Variants in DNA2 observed in about 807,000 individuals in gnomAD.
DNA2 encodes DNA replication helicase/nuclease 2.
Under a neutral mutation model 119.1 loss-of-function variants are expected in DNA2, and 101 were observed. That is an observed-to-expected ratio of 0.85 (90% CI 0.72 to 1.00). The LOEUF is 1.00. DNA2 is among the 50% of genes least tolerant of loss of function. The pLI, the probability that DNA2 is intolerant of heterozygous loss-of-function variation, is 0.00. For synonymous variants in DNA2, 366 were observed against 424.4 expected, an observed-to-expected ratio of 0.86 and a Z score of 1.69; for missense variants, 1,121 against 1,255.5, an observed-to-expected ratio of 0.89 and a Z score of 1.62.
At chr10:68,471,393 A>C (rs1309669238) in intron 1 of DNA2, among the ~76,000 whole-genome samples, 3 of 152,204 alleles carry the variant, frequency 2.0e-5, no homozygotes, top group Admixed American at 6.5e-5. Flanking sequence ...ACCGTGGTTA[A>C]CTTCCTCTGA....
At chr10:68,451,309 T>G (rs1438664531) in intron 5 of DNA2, among the ~76,000 whole-genome samples, 3 of 152,100 alleles carry the variant, frequency 2.0e-5, no homozygotes, top group Non-Finnish European at 2.9e-5. Flanking sequence ...ACTCAATTTT[T>G]TTTTTATAAA....
intron 5 of DNA2, among the ~76,000 whole-genome samples, chr10:68,458,672 A>G (rs1194127035): frequency 6.6e-6 from 1 of 151,736 alleles, no homozygotes; most frequent in African/African-American, 2.4e-5. Flanking sequence ...AACATGGTGA[A>G]ACCCTGTCTC....
At chr10:68,422,093 G>A in intron 17 of DNA2, 132 bp downstream of exon 17, 1 of 698,962 alleles carries the variant, frequency 1.4e-6, no homozygotes, top group Non-Finnish European at 2.3e-6. Context: ...GATTACAGGT[G>A]TGAGCCACCA....
chr10:68,455,128 C>CG (rs2052167062), intron 5 of DNA2, among the ~76,000 whole-genome samples: 1 of 151,682 alleles, frequency 6.6e-6, no homozygotes, highest in African/African-American at 2.4e-5. Context: ...TTAGTAGAGA[C>CG]GGGGTTTCAC....
rs767980817 is a variant in DNA2, at chr10:68,431,937, C to T, written c.1908G>A (p.Lys636=). 1.2e-6 allele frequency: 2 copies of T among 1,613,542 alleles called. No individual in the cohort carries two copies. The highest frequency in any genetic ancestry group is 1.7e-6 in the Non-Finnish European group (2 of 1,179,706). ...LNKPQRQAMK[K]VLLSKDYTLI... is the part of the protein sequence containing the mutation. ...GTGTGTAGTCTTTTGAAAGAAGTAC[C>T]TTTTTCATCGCTTGCCTCTGAGGCT... Residue 636 remains lysine, a synonymous_variant, in exon 13 of 21, where the codon AAG becomes AAA. Coordinates refer to ENST00000358410, the MANE Select transcript of DNA2 (RefSeq NM_001080449.3).
At chr10:68,458,349 T>C (rs529563208) in intron 5 of DNA2, among the ~76,000 whole-genome samples, 3 of 152,020 alleles carry the variant, frequency 2.0e-5, no homozygotes, top group South Asian at 2.1e-4. Context: ...CTGGCCAACA[T>C]GGCAAAACCC....
intron 19 of DNA2, among the ~76,000 whole-genome samples, 192 bp from the exon 20 acceptor site, chr10:68,417,047 C>T (rs1431744557): frequency 6.6e-6 from 1 of 151,976 alleles, no homozygotes; most frequent in Non-Finnish European, 1.5e-5. Context: ...AGTTCAAGAC[C>T]AGCCCGTGCA....
intron 20 of DNA2, 197 bp downstream of exon 20, chr10:68,416,512 A>T (rs1018896438): frequency 2.0e-5 from 10 of 509,636 alleles, no homozygotes; most frequent in African/African-American, 1.3e-4. Flanking sequence ...GTTCTGGATT[A>T]AAAAAGGGTT....
In DNA2 at chr10:68,459,127, G is replaced by C. The variant is rs1370582106; in HGVS notation, c.696C>G (p.Asp232Glu). The change falls in exon 5 of 21, where the codon GAC (aspartate) becomes GAG (glutamate). Residue 232 changes from aspartate (D) to glutamate (E), a missense_variant. By Grantham distance (45) the Asp-to-Glu change is conservative. Coordinates refer to ENST00000358410, the MANE Select transcript of DNA2 (RefSeq NM_001080449.3). ...GDFMHKNTSTDFPQMQLSLPS... is the reference protein window; with the variant it reads ...GDFMHKNTSTEFPQMQLSLPS... ...ACAGAGAGAGCTGCATCTGAGGGAAGTCAGTCGAAGTGTTTTTATGCATGA... is the reference window on the plus strand; with the variant it reads ...ACAGAGAGAGCTGCATCTGAGGGAACTCAGTCGAAGTGTTTTTATGCATGA... 1.3e-6 allele frequency: 2 copies of C among 1,599,948 alleles called. No individual in the cohort carries two copies. The highest frequency in any genetic ancestry group is 1.7e-6 in the Non-Finnish European group (2 of 1,172,642).
chr10:68,436,791 T>C, intron 10 of DNA2: 1 of 381,534 alleles, frequency 2.6e-6, no homozygotes, highest in South Asian at 5.2e-5. Context: ...GCTGGGGAAA[T>C]TGGAGGAAAA....
At chr10:68,419,529 G>A (rs2051638155) in intron 18 of DNA2, 2 of 515,778 alleles carry the variant, frequency 3.9e-6, no homozygotes, top group Non-Finnish European at 3.4e-6. Flanking sequence ...TTCTTTCACA[G>A]AAAAATTTCC....
At chr10:68,444,852 C>A in intron 8 of DNA2, 69 bp downstream of exon 8, 1 of 1,153,480 alleles carries the variant, frequency 8.7e-7, no homozygotes, top group Non-Finnish European at 1.2e-6. Context: ...CGTCTGGCCA[C>A]CAGTGTTAAA....
rs1388865298 is a variant in DNA2, at chr10:68,445,054, A to G, written c.1087T>C (p.Phe363Leu). ...TTGCTAATACGGTGAAACAATGAGA[A>G]TGCCATCTGGTTTCTTAGCTTTAAT... Reference protein sequence around the residue: ...ELLKLRNQMAFSLFHRISKSA... With the variant: ...ELLKLRNQMALSLFHRISKSA... Residue 363 changes from phenylalanine (F) to leucine (L), a missense_variant, in exon 8 of 21, where the codon TTC (phenylalanine) becomes CTC (leucine). By Grantham distance (22) the Phe-to-Leu change is conservative (BLOSUM62 0). Transcript: ENST00000358410. The G allele has an allele frequency of 6.2e-7, 1 of 1,608,372 alleles. No homozygotes were observed. Among genetic ancestry groups the G allele is most frequent in the Middle Eastern group, 1.7e-4 (1 of 5,902 alleles).
chr10:68,445,465 A>G (rs1352792351), intron 7 of DNA2, among the ~76,000 whole-genome samples: 1 of 152,128 alleles, frequency 6.6e-6, no homozygotes, highest in Non-Finnish European at 1.5e-5. Flanking sequence ...CTCGGTCTCA[A>G]AAAAATAAAT....
At chr10:68,461,407 G>T (rs2052256366) in intron 4 of DNA2, 1 of 152,084 alleles carries the variant, frequency 6.6e-6, no homozygotes, top group African/African-American at 2.4e-5. Context: ...TAGAGGCTTG[G>T]TCTACACCCA....
At chr10:68,441,335 TAAAAAA>T (rs35334686) in intron 9 of DNA2, among the ~76,000 whole-genome samples, 1 of 121,116 alleles carries the variant, frequency 8.3e-6, no homozygotes, top group Non-Finnish European at 1.8e-5. Context: ...CCCTGTCTCT[TAAAAAA>T]AAAAAAAAAA....
chr10:68,451,564 C>T (rs1009032906), intron 5 of DNA2, among the ~76,000 whole-genome samples: 6 of 151,494 alleles, frequency 4.0e-5, no homozygotes, highest in Admixed American at 2.0e-4. Flanking sequence ...AAGCCAGCCA[C>T]ATAAAATACT....
At chr10:68,462,421 A>C (rs1336689846) in intron 4 of DNA2, among the ~76,000 whole-genome samples, 2 of 152,222 alleles carry the variant, frequency 1.3e-5, no homozygotes, top group Non-Finnish European at 2.9e-5. Flanking sequence ...ATGAATTAAT[A>C]AACATGTTTT....
chr10:68,455,410 AT>A (rs2052169928), intron 5 of DNA2, among the ~76,000 whole-genome samples: 2 of 152,172 alleles, frequency 1.3e-5, no homozygotes, highest in East Asian at 3.8e-4. Context: ...AAAATGAAAC[AT>A]TTATAAATTT....
Sources: allele counts gnomAD v4.1 joint callset (sites outside exome capture counted in the v4.1 genomes callset), GRCh38; gene constraint gnomAD v4.1.1; transcripts MANE v1.5; gene names NCBI Gene and HGNC (gene_info 2026-07-23, HGNC 2026-07-21).